Variants in ASH2L observed in about 807,000 individuals in gnomAD.
ASH2L encodes the protein ASH2 like, histone lysine methyltransferase complex subunit.
Under a neutral mutation model 81.1 loss-of-function variants are expected in ASH2L, and 30 were observed. The observed-to-expected ratio is 0.37, with a 90% CI of 0.28 to 0.50. The LOEUF (loss-of-function observed/expected upper bound fraction) is 0.50. Among genes scored for constraint, ASH2L ranks in the 20% least tolerant of loss-of-function variants. The pLI is 0.95. For synonymous variants in ASH2L, 273 were observed against 279.9 expected, an observed-to-expected ratio of 0.98 and a Z score of 0.24; for missense variants, 559 against 792.1, an observed-to-expected ratio of 0.71 and a Z score of 3.53.
chr8:38,136,011 C>A (rs1802237078), intron 14 of ASH2L, among the ~76,000 whole-genome samples: 1 of 151,816 alleles, frequency 6.6e-6, no homozygotes, highest in South Asian at 2.1e-4. Flanking sequence ...TGTGGTGTTA[C>A]CGTTCAGTAG....
Position 38,128,427 on chromosome 8 carries a change from C to A in ASH2L, c.1302C>A (p.Thr434=). ...CTGTGGATGAGATGCCACCAGATAC[C>A]GCTGCCAGACTGGGTTGGTCCCAGC... The part of the protein sequence containing the change: ...EITVDEMPPD[T]AARLGWSQPL... The change falls in exon 11 of 16, where the codon ACC becomes ACA. Residue 434 remains threonine (T), a synonymous_variant. Transcript: ENST00000343823. 1.2e-6 allele frequency: 2 copies of A among 1,614,062 alleles called. No individual in the cohort carries two copies. The highest frequency in any genetic ancestry group is 1.7e-6 in the Non-Finnish European group (2 of 1,180,034).
At chr8:38,118,366 G>A (rs1810994708) in intron 8 of ASH2L, among the ~76,000 whole-genome samples, 1 of 151,908 alleles carries the variant, frequency 6.6e-6, no homozygotes, top group Non-Finnish European at 1.5e-5. Context: ...CCTGGAAGAG[G>A]GAAAAATAAA....
At chr8:38,117,974 G>A (rs1310904153) in intron 8 of ASH2L, among the ~76,000 whole-genome samples, 4 of 152,132 alleles carry the variant, frequency 2.6e-5, no homozygotes, top group Non-Finnish European at 5.9e-5. Flanking sequence ...CAGGAGAATC[G>A]TTTGAACCCA....
chr8:38,114,363 C>T lies in ASH2L; in HGVS notation c.681+76C>T, dbSNP rs190637041. Reference sequence around the variant, plus strand: ...TTGTAAGAATTCAATAATATCGTCTCATTGTGAAATGATAAAATTAGAACA... The same window carrying T: ...TTGTAAGAATTCAATAATATCGTCTTATTGTGAAATGATAAAATTAGAACA... On this transcript the variant is annotated intron_variant, in intron 6 of 15. Transcript: ENST00000343823. 1.4e-4 allele frequency: 132 copies of T among 913,180 alleles called. No homozygotes were observed. The African/African-American group carries it at 2.0e-3, about 14-fold the overall frequency. The allele number at this position is 913,180 out of a possible 1,614,324, so 56.6% of individuals were successfully genotyped here.
intron 3 of ASH2L, 115 bp downstream of exon 3, chr8:38,107,281 C>T (rs1810478205): frequency 1.5e-6 from 2 of 1,321,796 alleles, no homozygotes; most frequent in East Asian, 4.7e-5. Context: ...CTCCTAACCC[C>T]TATTCAGCAA....
chr8:38,139,066 C>A lies in ASH2L; in HGVS notation c.1882C>A (p.Pro628Thr). 6.3e-7 allele frequency: 1 copy of A among 1,584,742 alleles called. No individual in the cohort carries two copies. Among genetic ancestry groups the A allele is most frequent in the Non-Finnish European group, 8.6e-7 (1 of 1,164,592 alleles). ...VDGRRSPPWE[P>T] ...TGGGAGGCGCAGTCCCCCATGGGAA[C>A]CCTGACCAGGTCCCTCTTTTCTGTC... Residue 628 changes from proline (P) to threonine (T), a missense_variant, in exon 16 of 16, where the codon CCC (proline) becomes ACC (threonine). Physicochemically the swap from Pro to Thr is conservative, Grantham distance 38. Around this residue, in one of 4 missense-constraint regions of ASH2L, gnomAD observed 95 missense variants for 130.7 expected, o/e 0.73. Transcript: ENST00000343823.
chr8:38,113,900 A>ACAGC lies in ASH2L; in HGVS notation c.586-289_586-286dup, dbSNP rs528463028. Among the ~76,000 whole-genome samples the ACAGC allele has an allele frequency of 1.6e-4, 24 of 152,366 alleles. No individual in the cohort carries two copies. In the East Asian group the frequency reaches 3.1e-3, roughly 20 times the overall value. On this transcript the variant is annotated intron_variant, in intron 5 of 15. Coordinates refer to ENST00000343823, the MANE Select transcript of ASH2L (RefSeq NM_004674.5). ...TAATTTGGGAGTCATCTTCCAATTGACAGCCAAGGGACTGTGACAGAGCTT... is the reference window on the plus strand; with the variant it reads ...TAATTTGGGAGTCATCTTCCAATTGACAGCCAGCCAAGGGACTGTGACAGAGCTT...
In ASH2L at chr8:38,120,751, C is replaced by A. The variant is rs536695406; in HGVS notation, c.948-181C>A. 3.0e-3 allele frequency among the ~76,000 whole-genome samples: 460 copies of A among 151,624 alleles called. 5 individuals carry two copies. Among genetic ancestry groups the A allele is most frequent in the Non-Finnish European group, 2.4e-3 (163 of 67,952 alleles). Reference sequence around the variant, plus strand: ...AACTACCTTGCTCAATAAAGCTAATCCTTTTCACTTCCTTGTTTTGCCTGA... The same window carrying A: ...AACTACCTTGCTCAATAAAGCTAATACTTTTCACTTCCTTGTTTTGCCTGA... On this transcript the variant is annotated intron_variant, in intron 9 of 15. Transcript: ENST00000343823.
intron 13 of ASH2L, among the ~76,000 whole-genome samples, chr8:38,135,171 G>A (rs1021438626): frequency 6.6e-6 from 1 of 152,088 alleles, no homozygotes; most frequent in African/African-American, 2.4e-5. Flanking sequence ...TATAAATACA[G>A]TGCAATGAAT....
chr8:38,113,150 G>A (rs1193543450), intron 5 of ASH2L, among the ~76,000 whole-genome samples: 1 of 151,664 alleles, frequency 6.6e-6, no homozygotes, highest in African/African-American at 2.4e-5. Flanking sequence ...TGTATTTTTT[G>A]GTAGAGACAG....
chr8:38,118,884 A>C (rs529980473), intron 8 of ASH2L, among the ~76,000 whole-genome samples: 1 of 152,228 alleles, frequency 6.6e-6, no homozygotes, highest in East Asian at 1.9e-4. Context: ...ATTAATTTGG[A>C]TGAAAAAAAA....
chr8:38,133,163 G>A (rs541359102), intron 12 of ASH2L, among the ~76,000 whole-genome samples: 4 of 151,986 alleles, frequency 2.6e-5, no homozygotes, highest in South Asian at 2.1e-4. Context: ...GAAAAGATGT[G>A]TGAATTTAGC....
chr8:38,106,523 G>A (rs959810068), intron 2 of ASH2L, 79 bp downstream of exon 2: 1 of 834,062 alleles, frequency 1.2e-6, no homozygotes, highest in African/African-American at 3.5e-5. Context: ...TTTTTTTTTT[G>A]TTGCGACGGA....
intron 10 of ASH2L, among the ~76,000 whole-genome samples, chr8:38,123,613 A>T (rs1801717989): frequency 6.6e-6 from 1 of 152,048 alleles, no homozygotes; most frequent in African/African-American, 2.4e-5. Context: ...GTTTGTGTGT[A>T]TGTATGTTTG....
intron 7 of ASH2L, among the ~76,000 whole-genome samples, chr8:38,116,416 C>T (rs1380659195): frequency 6.6e-6 from 1 of 151,826 alleles, no homozygotes; most frequent in Non-Finnish European, 1.5e-5. Context: ...GCCTATAATC[C>T]CAGCTACTCG....
chr8:38,136,789 A>G (rs1802273814), intron 14 of ASH2L, among the ~76,000 whole-genome samples: 1 of 150,748 alleles, frequency 6.6e-6, no homozygotes, highest in East Asian at 1.9e-4. Context: ...AAAAAAAAGA[A>G]AGAAAAGAAA....
Position 38,117,331 on chromosome 8 carries a change from T to C in ASH2L, c.853+606T>C, listed in dbSNP as rs1358232916. On this transcript the variant is annotated intron_variant, in intron 8 of 15. Coordinates refer to ENST00000343823, the MANE Select transcript of ASH2L (RefSeq NM_004674.5). ...CGCGTCTTAAATATCTGATCATTTC[T>C]ACTGTTACTAATATTTTAAGGTGGG... 1.1e-5 allele frequency: 5 copies of C among 437,152 alleles called. No individual in the cohort carries two copies. In the South Asian group the frequency reaches 4.8e-4, roughly 42 times the overall value. 27.1% of individuals were successfully genotyped at this position (437,152 alleles called of 1,614,324 possible).
At chr8:38,113,408 A>C (rs1810765122) in intron 5 of ASH2L, among the ~76,000 whole-genome samples, 1 of 152,174 alleles carries the variant, frequency 6.6e-6, no homozygotes, top group Non-Finnish European at 1.5e-5. Context: ...ACAACAAAAT[A>C]TTCCAGGCTT....
At chr8:38,106,234 TTG>T in intron 1 of ASH2L, 142 bp from the exon 2 acceptor site, 1 of 1,373,514 alleles carries the variant, frequency 7.3e-7, no homozygotes, top group South Asian at 1.2e-5. Context: ...TGACAGTACC[TTG>T]GGCATCCAGT....
Sources: gnomAD v4.1 joint callset for allele counts (sites outside exome capture counted in the v4.1 genomes callset) on GRCh38, gnomAD v4.1.1 for gene constraint, gnomAD v4.1.1 regional missense constraint, MANE v1.5 for transcripts, NCBI Gene and HGNC (gene_info 2026-07-23, HGNC 2026-07-21) for gene names.